KEL: variants seen among roughly 807,000 people sequenced by gnomAD.
The protein encoded by KEL is Kell metallo-endopeptidase (Kell blood group), also known as kell blood group glycoprotein.
KEL carries 96 observed loss-of-function variants against 99.5 expected under a neutral mutation model. The observed-to-expected ratio is 0.97, with a 90% CI of 0.82 to 1.14. The LOEUF (loss-of-function observed/expected upper bound fraction) is 1.14. KEL is among the 50% of genes most tolerant of loss of function. KEL has a pLI of 0.00. For missense variants in KEL, 926 were observed against 924.2 expected, an observed-to-expected ratio of 1.00 and a Z score of -0.03; for synonymous variants, 355 against 354.8, an observed-to-expected ratio of 1.00 and a Z score of -0.01.
intron 18 of KEL, chr7:142,942,140 G>A: frequency 2.0e-6 from 1 of 494,552 alleles, no homozygotes. Flanking sequence ...CTGTATTTTG[G>A]GGGTATGAGA....
In KEL at chr7:142,957,853, C is replaced by A; in HGVS notation, c.646G>T (p.Ala216Ser). Residue 216 changes from alanine to serine, a missense_variant, in exon 6 of 19, where the codon GCC becomes TCC. Physicochemically the swap from Ala to Ser is moderately conservative, Grantham distance 99 (BLOSUM62 1). Coordinates refer to ENST00000355265, the MANE Select transcript of KEL (RefSeq NM_000420.3). ...TGGATGACTGGTGTGTGTGGAGAGG[C>A]AGGATGAGGTCCTAGGTAGGCTCTG... Reference protein sequence around the residue: ...FFRAYLGPHPASPHTPVIQID... With the variant: ...FFRAYLGPHPSSPHTPVIQID... 1.2e-6 allele frequency: 2 copies of A among 1,614,074 alleles called. No individual in the cohort carries two copies. The highest frequency in any genetic ancestry group is 1.7e-6 in the Non-Finnish European group (2 of 1,180,012).
rs1796418040 is a variant in KEL at position 142,943,306 on chromosome 7, G to A, written c.1741C>T (p.His581Tyr). The A allele has an allele frequency of 1.9e-6, 3 of 1,613,956 alleles. No individual in the cohort carries two copies. The highest frequency in any genetic ancestry group is 1.7e-6 in the Non-Finnish European group (2 of 1,179,984). Residue 581 changes from histidine to tyrosine, a missense_variant, in exon 16 of 19, where the codon CAC becomes TAC. Physicochemically the swap from His to Tyr is moderately conservative, Grantham distance 83. Coordinates refer to ENST00000355265, the MANE Select transcript of KEL (RefSeq NM_000420.3). ...TGGTAGAAGATGTGCAACAGCTCGT[G>A]GGCCATGATGCTGCCAGCAGCGCCA... ...NFGAAGSIMA[H>Y]ELLHIFYQLL...
Position 142,941,361 on chromosome 7 carries a change from G to A in KEL, c.2090C>T (p.Pro697Leu), listed in dbSNP as rs1410323946. 1 of 1,612,604 alleles carries A rather than the reference G, an allele frequency of 6.2e-7. No individual in the cohort carries two copies. The highest frequency in any genetic ancestry group is 8.5e-7 in the Non-Finnish European group (1 of 1,178,834). ...PQDSHDTHSP[P>L]HLRVHGPLSS... ...GAGGGGCCCGTGGACTCGGAGGTGT[G>A]GAGGGCTGTGAGTGTCGTGAGAGTC... is the stretch of plus-strand genomic sequence containing the variant. The change falls in exon 19 of 19, where the codon CCA (proline) becomes CTA (leucine). Residue 697 changes from proline (P) to leucine (L), a missense_variant. Coordinates refer to ENST00000355265, the MANE Select transcript of KEL (RefSeq NM_000420.3).
intron 8 of KEL, 23 bp from the exon 9 acceptor site, chr7:142,953,979 G>A (rs374343722): frequency 1.6e-5 from 25 of 1,612,088 alleles, no homozygotes; most frequent in Non-Finnish European, 2.0e-5. Context: ...ACACAAAGCT[G>A]AGGGGGAAAA....
At chr7:142,957,720 C>A (rs1398458656) in intron 6 of KEL, 107 bp downstream of exon 6, 1 of 1,386,888 alleles carries the variant, frequency 7.2e-7, no homozygotes, top group Non-Finnish European at 1.0e-6. Flanking sequence ...TTTCCTATAT[C>A]ACACAGGTGT....
intron 3 of KEL, 60 bp downstream of exon 3, chr7:142,961,300 G>A (rs534042161): frequency 1.9e-6 from 3 of 1,607,402 alleles, no homozygotes; most frequent in Non-Finnish European, 2.6e-6. Flanking sequence ...CAGGGACTGG[G>A]CCTGGGCCCC....
At chr7:142,959,417 A>G (rs1451219122) in intron 4 of KEL, among the ~76,000 whole-genome samples, 1 of 152,194 alleles carries the variant, frequency 6.6e-6, no homozygotes, top group Non-Finnish European at 1.5e-5. Flanking sequence ...TATGGAAAAT[A>G]AAAGAAATGT....
intron 12 of KEL, 23 bp from the exon 13 acceptor site, chr7:142,944,423 C>T: frequency 6.3e-7 from 1 of 1,579,688 alleles, no homozygotes; most frequent in South Asian, 1.1e-5. Flanking sequence ...ACAGAAGAGG[C>T]TAGGAATACT....
rs377570218 is a variant in KEL, at chr7:142,961,417, C to T, written c.166G>A (p.Gly56Ser). Residue 56 changes from glycine (G) to serine (S), a missense_variant, in exon 3 of 19, where the codon GGC (glycine) becomes AGC (serine). Coordinates refer to ENST00000355265, the MANE Select transcript of KEL (RefSeq NM_000420.3). ...AGCACAGAAAAACAAAGGAGCAGGC[C>T]CAAAATCAGGATAGCTGTCAGCACC... ...RRVLTAILIL[G>S]LLLCFSVLLF... 27 of 1,613,544 alleles carry T rather than the reference C, an allele frequency of 1.7e-5. No homozygotes were observed. The African/African-American group carries it at 3.6e-4, about 22-fold the overall frequency.
chr7:142,943,584 G>C lies in KEL; in HGVS notation c.1605C>G (p.Ser535=). ...QPHPQHRWKV[S]PWDVNAYYSV... ...AATAGTAAGCATTGACGTCCCAAGG[G>C]GACACCTTCCACCTGTGGGAAGAGG... Residue 535 remains serine, a synonymous_variant, in exon 15 of 19, where the codon TCC becomes TCG. Transcript: ENST00000355265. 6.2e-7 allele frequency: 1 copy of C among 1,613,412 alleles called. No homozygotes were observed. Among genetic ancestry groups the C allele is most frequent in the Non-Finnish European group, 8.5e-7 (1 of 1,179,458 alleles).
chr7:142,944,216 A>T, intron 13 of KEL, 107 bp downstream of exon 13: 1 of 918,190 alleles, frequency 1.1e-6, no homozygotes, highest in South Asian at 1.3e-5. Context: ...GTAAGGACAG[A>T]GCTAAGTCAC....
rs1796430100 is a variant in KEL, at chr7:142,943,612, A to T, written c.1593-16T>A. The T allele has an allele frequency of 3.1e-6, 5 of 1,590,122 alleles. No individual in the cohort carries two copies. The highest frequency in any genetic ancestry group is 4.3e-6 in the Non-Finnish European group (5 of 1,158,554). On this transcript the variant is annotated splice_polypyrimidine_tract_variant and intron_variant, in intron 14 of 18. Coordinates refer to ENST00000355265, the MANE Select transcript of KEL (RefSeq NM_000420.3). ...CACCTTCCACCTGTGGGAAGAGGAC[A>T]TGTGAACTCCAGCCCCCACCACGTA...
chr7:142,953,578 G>A (rs8175998), intron 9 of KEL, among the ~76,000 whole-genome samples: 2,827 of 152,106 alleles, frequency 0.019, 28 homozygotes, highest in Middle Eastern at 0.082. Flanking sequence ...TCCTCATGTC[G>A]TGTGTATCCT....
Position 142,941,117 on chromosome 7 carries a change from A to G in KEL, c.*135T>C. The G allele has an allele frequency of 1.1e-6, 1 of 920,104 alleles. No individual in the cohort carries two copies. The highest frequency in any genetic ancestry group is 1.4e-5 in the South Asian group (1 of 72,376). The allele number at this position is 920,104 out of a possible 1,614,324, so 57.0% of individuals were successfully genotyped here. A position where few individuals can be genotyped will look rare whatever the true frequency, so the allele number is the denominator to read the frequency against. ...AGAACATAGCAGGAACAAGTCATTAAGAGACAAGCGGAAGCCAAGTGCCAG... is the reference window on the plus strand; with the variant it reads ...AGAACATAGCAGGAACAAGTCATTAGGAGACAAGCGGAAGCCAAGTGCCAG... On this transcript the variant is annotated 3_prime_UTR_variant, in exon 19 of 19. Coordinates refer to ENST00000355265, the MANE Select transcript of KEL (RefSeq NM_000420.3).
chr7:142,955,291 A>C (rs6954192), intron 6 of KEL, among the ~76,000 whole-genome samples: 6,687 of 152,222 alleles, frequency 0.044, 280 homozygotes, highest in African/African-American at 0.12. Context: ...TTTTTTCCCC[A>C]AAAAAACATA....
chr7:142,942,437 G>C lies in KEL; in HGVS notation c.2034C>G (p.Ala678=). The part of the protein sequence containing the change: ...SPQQIFFRSY[A]QVMCRKPSPQ... ...GCGGGAGGTGGCCGCTGCCTACCTG[G>C]GCATAGCTTCGAAAGAAGATCTGCT... The change falls in exon 18 of 19, where the codon GCC becomes GCG. Residue 678 remains alanine (A), a synonymous_variant. Coordinates refer to ENST00000355265, the MANE Select transcript of KEL (RefSeq NM_000420.3). 6.3e-7 allele frequency: 1 copy of C among 1,586,920 alleles called. No homozygotes were observed. The highest frequency in any genetic ancestry group is 8.6e-7 in the Non-Finnish European group (1 of 1,164,618).
chr7:142,945,008 GAC>G, intron 11 of KEL: 1 of 551,432 alleles, frequency 1.8e-6, no homozygotes, highest in South Asian at 2.0e-5. Context: ...GAAATAGCCT[GAC>G]ACAGGAGAAA....
chr7:142,961,423 T>A lies in KEL; in HGVS notation c.160A>T (p.Ile54Phe). ...GAAAAACAAAGGAGCAGGCCCAAAA[T>A]CAGGATAGCTGTCAGCACCCGCCTG... is the stretch of plus-strand genomic sequence containing the variant. Reference protein sequence around the residue: ...VARRVLTAILILGLLLCFSVL... With the variant: ...VARRVLTAILFLGLLLCFSVL... The change falls in exon 3 of 19, where the codon ATT becomes TTT. Residue 54 changes from isoleucine to phenylalanine, a missense_variant. Ile to Phe is a conservative substitution (Grantham distance 21, BLOSUM62 0). Coordinates refer to ENST00000355265, the MANE Select transcript of KEL (RefSeq NM_000420.3). 6.2e-7 allele frequency: 1 copy of A among 1,613,628 alleles called. No individual in the cohort carries two copies. Among genetic ancestry groups the A allele is most frequent in the Non-Finnish European group, 8.5e-7 (1 of 1,180,000 alleles).
In KEL at chr7:142,943,821, T is replaced by C; in HGVS notation, c.1554A>G (p.Arg518=). The C allele has an allele frequency of 1.9e-6, 3 of 1,614,106 alleles. No homozygotes were observed. The highest frequency in any genetic ancestry group is 2.5e-6 in the Non-Finnish European group (3 of 1,180,022). The change falls in exon 14 of 19, where the codon AGA becomes AGG. Residue 518 remains arginine (R), a synonymous_variant. Coordinates refer to ENST00000355265, the MANE Select transcript of KEL (RefSeq NM_000420.3). The part of the protein sequence containing the change: ...VLSCVRSLRA[R]IVQSFLQPHP... ...GAGGCTGCAAGAAGCTCTGGACAAT[T>C]CTAGCTCGGAGGGACCGGACACAGC...
Sources: allele counts gnomAD v4.1 joint callset (sites outside exome capture counted in the v4.1 genomes callset), GRCh38; gene constraint gnomAD v4.1.1; transcripts MANE v1.5; gene names NCBI Gene and HGNC (gene_info 2026-07-23, HGNC 2026-07-21).